MIGA1: variants seen among roughly 807,000 people sequenced by gnomAD.
MIGA1 encodes family with sequence similarity 73, member A.
MIGA1 carries 58 observed loss-of-function variants against 82.0 expected under a neutral mutation model. That is an observed-to-expected ratio of 0.71 (90% confidence interval 0.57 to 0.88). MIGA1 has a LOEUF of 0.88. Ranked by LOEUF, MIGA1 falls within the 40% of genes least tolerant of loss-of-function variation. The probability of loss-of-function intolerance (pLI) is 0.00; values close to 1 mark genes in which losing one functional copy is unlikely to be tolerated. For synonymous variants in MIGA1, 249 were observed against 253.6 expected, an observed-to-expected ratio of 0.98 and a Z score of 0.17; for missense variants, 751 against 749.1, an observed-to-expected ratio of 1.00 and a Z score of -0.03.
intron 7 of MIGA1, among the ~76,000 whole-genome samples, chr1:77,816,131 G>A (rs1340616137): frequency 6.6e-6 from 1 of 151,616 alleles, no homozygotes; most frequent in African/African-American, 2.4e-5. Context: ...TTTATTAGAG[G>A]TGGGGTTTCA....
chr1:77,857,991 T>C (rs965225031), intron 8 of MIGA1, among the ~76,000 whole-genome samples: 2 of 152,214 alleles, frequency 1.3e-5, no homozygotes, highest in Non-Finnish European at 2.9e-5. Context: ...AATCTATGGA[T>C]GATAAAATTC....
chr1:77,794,787 C>T lies in MIGA1; in HGVS notation c.196-6544C>T, dbSNP rs144046955. ...CTGCACGCTAGCCTGGGCAACAGAG[C>T]GAGACCCTGTCTTTTGAAAAAAGGC... On this transcript the variant is annotated intron_variant, in intron 2 of 15. Transcript: ENST00000370791. Among the ~76,000 whole-genome samples, 509 of 152,142 alleles carry T rather than the reference C, an allele frequency of 3.3e-3. 2 individuals carry two copies. The highest frequency in any genetic ancestry group is 0.011 in the African/African-American group (470 of 41,502).
intron 7 of MIGA1, among the ~76,000 whole-genome samples, chr1:77,834,714 G>C (rs1474617908): frequency 1.3e-5 from 2 of 152,196 alleles, no homozygotes; most frequent in African/African-American, 2.4e-5. Context: ...TAGTCATACA[G>C]AATAAACAAA....
chr1:77,859,313 G>A lies in MIGA1; in HGVS notation c.1116-1G>A. On this transcript the variant is annotated splice_acceptor_variant, in intron 9 of 15. Transcript: ENST00000370791. LOFTEE classifies it high-confidence loss of function. ...AATTGTCTCCCCTGTTTATTACATA[G>A]AACTGAAATGTTGGAGTGCCTAGGA... The A allele has an allele frequency of 6.2e-7, 1 of 1,609,938 alleles. No individual in the cohort carries two copies. Among genetic ancestry groups the A allele is most frequent in the South Asian group, 1.1e-5 (1 of 90,990 alleles).
intron 2 of MIGA1, among the ~76,000 whole-genome samples, chr1:77,796,676 A>G (rs1682671460): frequency 6.6e-6 from 1 of 152,202 alleles, no homozygotes; most frequent in African/African-American, 2.4e-5. Context: ...TATCCAGGCA[A>G]AACACTGTCA....
chr1:77,830,847 G>T (rs1252555369), intron 7 of MIGA1, among the ~76,000 whole-genome samples: 1 of 152,140 alleles, frequency 6.6e-6, no homozygotes, highest in African/African-American at 2.4e-5. Context: ...ACCTGACACA[G>T]CAAACAAATA....
intron 1 of MIGA1, chr1:77,780,170 G>T: frequency 1.0e-6 from 1 of 988,926 alleles, no homozygotes; most frequent in Non-Finnish European, 1.2e-6. Context: ...GCTGCTGTGG[G>T]GTCGGGGGAG....
intron 5 of MIGA1, 79 bp downstream of exon 5, chr1:77,807,180 C>CCCTGTCTGTCTCAAT: frequency 2.6e-6 from 3 of 1,153,488 alleles, no homozygotes; most frequent in South Asian, 1.5e-5. Context: ...TTTATTGAGA[C>CCCTGTCTGTCTCAAT]AGACAGGGTC....
chr1:77,789,131 A>G (rs562805727), intron 2 of MIGA1, among the ~76,000 whole-genome samples: 8 of 150,190 alleles, frequency 5.3e-5, no homozygotes, highest in Non-Finnish European at 1.0e-4. Flanking sequence ...AGTCTTTCAC[A>G]TCTTTGGTTA....
At chr1:77,780,372 G>A (rs1300788257) in intron 1 of MIGA1, among the ~76,000 whole-genome samples, 1 of 152,212 alleles carries the variant, frequency 6.6e-6, no homozygotes, top group Non-Finnish European at 1.5e-5. Context: ...TTTCCAGAGG[G>A]AAGACTCAGC....
intron 7 of MIGA1, among the ~76,000 whole-genome samples, chr1:77,842,025 C>T (rs909233610): frequency 2.6e-5 from 4 of 151,422 alleles, no homozygotes; most frequent in African/African-American, 7.3e-5. Context: ...TCAAGTGATC[C>T]TCCTGCCTCA....
chr1:77,855,691 C>T (rs1224360856), intron 8 of MIGA1, among the ~76,000 whole-genome samples: 1 of 149,914 alleles, frequency 6.7e-6, no homozygotes, highest in Non-Finnish European at 1.5e-5. Flanking sequence ...ATTTGAGTCT[C>T]TGCTTGGTCG....
At chr1:77,812,408 C>G (rs2101794909) in intron 5 of MIGA1, among the ~76,000 whole-genome samples, 1 of 152,200 alleles carries the variant, frequency 6.6e-6, no homozygotes, top group African/African-American at 2.4e-5. Context: ...GGTGCCACTG[C>G]TCTCCAGCCT....
At chr1:77,868,764 AC>A (rs1323843961) in intron 14 of MIGA1, 1 of 152,198 alleles carries the variant, frequency 6.6e-6, no homozygotes, top group African/African-American at 2.4e-5. Flanking sequence ...TATATGTAGA[AC>A]ATACTTTTTG....
intron 2 of MIGA1, among the ~76,000 whole-genome samples, chr1:77,791,243 T>TAAAAAAAAA (rs757682711): frequency 1.7e-5 from 2 of 116,934 alleles, no homozygotes; most frequent in Non-Finnish European, 3.6e-5. Context: ...CCCTGTCTCT[T>TAAAAAAAAA]AAAAAAAAAA....
chr1:77,831,699 T>C (rs1684253131), intron 7 of MIGA1, among the ~76,000 whole-genome samples: 1 of 152,204 alleles, frequency 6.6e-6, no homozygotes, highest in African/African-American at 2.4e-5. Flanking sequence ...TTTGGAAGTT[T>C]ATTTTTGTAA....
At chr1:77,824,854 G>T (rs1351775766) in intron 7 of MIGA1, among the ~76,000 whole-genome samples, 1 of 151,692 alleles carries the variant, frequency 6.6e-6, no homozygotes, top group East Asian at 1.9e-4. Flanking sequence ...ATAATTTATT[G>T]TTTGCCATGT....
chr1:77,806,522 T>C (rs1683106473), intron 4 of MIGA1, among the ~76,000 whole-genome samples: 1 of 152,224 alleles, frequency 6.6e-6, no homozygotes, highest in Non-Finnish European at 1.5e-5. Flanking sequence ...GTGATTGAAA[T>C]GATTTGCTCA....
At position 77,864,045 on chromosome 1, in the gene MIGA1, C is replaced by T. The variant is rs2101950718; in HGVS notation, c.1509+17C>T. 1.9e-6 allele frequency: 3 copies of T among 1,601,238 alleles called. No individual in the cohort carries two copies. Among genetic ancestry groups the T allele is most frequent in the East Asian group, 2.3e-5 (1 of 44,352 alleles). ...AAAGAAACAGTAAGTGGTGGTTAAC[C>T]TTTCTCAGCCTTTTAAGTTTGATTA... On this transcript the variant is annotated intron_variant, in intron 13 of 15. Coordinates refer to ENST00000370791, the MANE Select transcript of MIGA1 (RefSeq NM_198549.4).
Sources: gnomAD v4.1 joint callset for allele counts (sites outside exome capture counted in the v4.1 genomes callset) on GRCh38, gnomAD v4.1.1 for gene constraint, MANE v1.5 for transcripts, NCBI Gene and HGNC (gene_info 2026-07-23, HGNC 2026-07-21) for gene names.